WDR59: variants seen among roughly 807,000 people sequenced by gnomAD.
WDR59 encodes the protein WD repeat domain 59, also known as GATOR2 complex protein WDR59.
A neutral mutation model predicts 131.2 loss-of-function variants in WDR59; 100 were observed. The ratio of observed to expected loss-of-function variants is 0.76; its 90% CI spans 0.65 to 0.90. The LOEUF (loss-of-function observed/expected upper bound fraction) is 0.90. Among genes scored for constraint, WDR59 ranks in the 40% least tolerant of loss-of-function variants. The pLI, the probability that WDR59 is intolerant of heterozygous loss-of-function variation, is 0.00. For missense variants in WDR59, 1,203 were observed against 1,262.2 expected, an observed-to-expected ratio of 0.95 and a Z score of 0.71; for synonymous variants, 601 against 466.2, an observed-to-expected ratio of 1.29 and a Z score of -3.72.
intron 13 of WDR59, among the ~76,000 whole-genome samples, chr16:74,913,466 G>A (rs1162468387): frequency 3.3e-5 from 5 of 151,874 alleles, no homozygotes; most frequent in African/African-American, 1.2e-4. Context: ...TGCTTTTTGT[G>A]TTTTGGTAGA....
At chr16:74,906,282 C>T (rs1393497142) in intron 17 of WDR59, among the ~76,000 whole-genome samples, 1 of 85,300 alleles carries the variant, frequency 1.2e-5, no homozygotes, top group Non-Finnish European at 2.4e-5. Flanking sequence ...TCAATACACT[C>T]CAGCCTGAGC....
chr16:74,915,748 A>T, intron 13 of WDR59, 122 bp downstream of exon 13: 1 of 1,448,948 alleles, frequency 6.9e-7, no homozygotes. Flanking sequence ...ATAAAAAAGC[A>T]AGCAGAGAGA....
chr16:74,965,505 A>G (rs760720024), intron 2 of WDR59, among the ~76,000 whole-genome samples: 2 of 152,194 alleles, frequency 1.3e-5, no homozygotes, highest in African/African-American at 2.4e-5. Context: ...AACATCCTTG[A>G]GTCTTGCAGT....
chr16:74,925,089 A>AT lies in WDR59; in HGVS notation c.652-1087dup, dbSNP rs2030644503. On this transcript the variant is annotated intron_variant, in intron 8 of 25. Coordinates refer to ENST00000262144, the MANE Select transcript of WDR59 (RefSeq NM_030581.4). The stretch of plus-strand genomic sequence containing the variant: ...TCACCAAAAACCAAAAATGGTCCAA[A>AT]TGTCCTTAAATGAGTCAACAGAAAA... 2.0e-5 allele frequency among the ~76,000 whole-genome samples: 3 copies of AT among 152,236 alleles called. No homozygotes were observed. In the South Asian group the frequency reaches 6.2e-4, roughly 32 times the overall value.
intron 1 of WDR59, among the ~76,000 whole-genome samples, chr16:74,970,027 G>C (rs890734640): frequency 1.3e-5 from 2 of 152,034 alleles, no homozygotes; most frequent in Non-Finnish European, 2.9e-5. Context: ...GGGTTCAAGT[G>C]ATCCTGTCAC....
chr16:74,907,991 C>T (rs1965901660), intron 17 of WDR59, among the ~76,000 whole-genome samples: 1 of 152,092 alleles, frequency 6.6e-6, no homozygotes, highest in Admixed American at 6.5e-5. Flanking sequence ...CTATCTGCTA[C>T]AATAGATTGC....
Position 74,948,529 on chromosome 16 carries a change from C to G in WDR59, c.435G>C (p.Leu145=). The part of the protein sequence containing the change: ...IKDTRKPTVA[L]SAVAGASQVK... Reference sequence around the variant, plus strand: ...GAAGCATACACTCACCAACAGCAGACAGTGCAACAGTAGGTTTCCTTGTGT... The same window carrying G: ...GAAGCATACACTCACCAACAGCAGAGAGTGCAACAGTAGGTTTCCTTGTGT... Residue 145 remains leucine (L), a synonymous_variant, in exon 6 of 26, where the codon CTG becomes CTC. Coordinates refer to ENST00000262144, the MANE Select transcript of WDR59 (RefSeq NM_030581.4). 1 of 1,613,978 alleles carries G rather than the reference C, an allele frequency of 6.2e-7. No individual in the cohort carries two copies. The highest frequency in any genetic ancestry group is 8.5e-7 in the Non-Finnish European group (1 of 1,179,848).
intron 1 of WDR59, chr16:74,979,247 GA>G (rs2034303997): frequency 2.0e-5 from 3 of 147,258 alleles, no homozygotes; most frequent in Admixed American, 1.4e-4. Context: ...GGCAGATCAC[GA>G]GATCAGGAGA....
At position 74,985,028 on chromosome 16, in the gene WDR59, C is replaced by T; in HGVS notation, c.-11G>A. ...CCATCGCGCCGCCATCTCCCCCGCCCGGCCGCCGCGGCCCCAGGACGGCGC... is the reference window on the plus strand; with the variant it reads ...CCATCGCGCCGCCATCTCCCCCGCCTGGCCGCCGCGGCCCCAGGACGGCGC... On this transcript the variant is annotated 5_prime_UTR_variant, in exon 1 of 26. Transcript: ENST00000262144. 1 of 1,564,124 alleles carries T rather than the reference C, an allele frequency of 6.4e-7. No individual in the cohort carries two copies.
intron 25 of WDR59, among the ~76,000 whole-genome samples, chr16:74,880,316 A>G (rs903526452): frequency 4.3e-4 from 66 of 152,168 alleles, no homozygotes; most frequent in Non-Finnish European, 8.2e-4. Flanking sequence ...GAGTGGTGGC[A>G]GGCGCCTGTA....
chr16:74,874,362 A>G lies in WDR59; in HGVS notation c.2772T>C (p.Cys924=), dbSNP rs1234667392. The change falls in exon 26 of 26, where the codon TGT becomes TGC. Residue 924 remains cysteine (C), a synonymous_variant. Transcript: ENST00000262144. ...CAICKGFTFQ[C]AICHVAVRGS... ...CCCGCACAGCCACGTGACAGATGGC[A>G]CACTGGAACGTGAAGCCTTTGCAGA... 1.9e-5 allele frequency: 31 copies of G among 1,614,146 alleles called. No individual in the cohort carries two copies. The highest frequency in any genetic ancestry group is 2.6e-5 in the Non-Finnish European group (31 of 1,180,020).
chr16:74,928,649 C>T (rs1433355332), intron 8 of WDR59, among the ~76,000 whole-genome samples: 1 of 152,104 alleles, frequency 6.6e-6, no homozygotes, highest in African/African-American at 2.4e-5. Flanking sequence ...TGCCTGTAAT[C>T]CCAGCACTTT....
rs372110951 is a variant in WDR59 at position 74,942,635 on chromosome 16, G to C, written c.534+103C>G. 26 of 1,076,280 alleles carry C rather than the reference G, an allele frequency of 2.4e-5. No homozygotes were observed. In the African/African-American group the frequency reaches 3.4e-4, roughly 14 times the overall value. The allele number at this position is 1,076,280 out of a possible 1,614,324, so 66.7% of individuals were successfully genotyped here. The stretch of plus-strand genomic sequence containing the variant: ...AATGGTCATTTACCATGCTGCACAG[G>C]GTTCCCCAGACTCTCAAGCCAAGTC... On this transcript the variant is annotated intron_variant, in intron 7 of 25. Coordinates refer to ENST00000262144, the MANE Select transcript of WDR59 (RefSeq NM_030581.4).
At chr16:74,925,016 T>C (rs1185973709) in intron 8 of WDR59, among the ~76,000 whole-genome samples, 2 of 152,286 alleles carry the variant, frequency 1.3e-5, no homozygotes, top group Non-Finnish European at 2.9e-5. Context: ...AAAGTATCTG[T>C]TCACACAAAA....
rs200302547 is a variant in WDR59 at position 74,886,399 on chromosome 16, G to A, written c.2420-3C>T. On this transcript the variant is annotated splice_polypyrimidine_tract_variant and splice_region_variant and intron_variant, in intron 23 of 25. Transcript: ENST00000262144. The stretch of plus-strand genomic sequence containing the variant: ...CAAGTGCTCTGCCTCTCTTCCCGCT[G>A]AAGAAAATCAAATGGGAAGGGAAGA... 3.3e-4 allele frequency: 538 copies of A among 1,611,886 alleles called. 2 individuals carry two copies. The African/African-American group carries it at 6.5e-3, about 19-fold the overall frequency.
chr16:74,945,404 G>C (rs1244104120), intron 6 of WDR59, among the ~76,000 whole-genome samples: 1 of 151,952 alleles, frequency 6.6e-6, no homozygotes. Flanking sequence ...GAGAACCTGG[G>C]AGGCAGAGCT....
intron 18 of WDR59, 133 bp downstream of exon 18, chr16:74,903,814 T>C (rs1965671539): frequency 2.5e-6 from 3 of 1,192,922 alleles, no homozygotes; most frequent in Admixed American, 2.8e-5. Context: ...GTAATGACTT[T>C]CTTGAACAAA....
At chr16:74,961,868 C>G (rs551109980) in intron 2 of WDR59, among the ~76,000 whole-genome samples, 1 of 152,240 alleles carries the variant, frequency 6.6e-6, no homozygotes, top group East Asian at 1.9e-4. Context: ...TTTGCCCATG[C>G]CTATGTCCTG....
At chr16:74,921,816 A>G in intron 10 of WDR59, 131 bp downstream of exon 10, 1 of 1,157,354 alleles carries the variant, frequency 8.6e-7, no homozygotes, top group Non-Finnish European at 1.2e-6. Context: ...AGGTGGCAAC[A>G]GCCCTGGCTC....
Sources: gnomAD v4.1 joint callset for allele counts (sites outside exome capture counted in the v4.1 genomes callset) on GRCh38, gnomAD v4.1.1 for gene constraint, MANE v1.5 for transcripts, NCBI Gene and HGNC (gene_info 2026-07-23, HGNC 2026-07-21) for gene names.